The following DHX57 variants were observed in gnomAD, a reference collection of about 807,000 sequenced individuals.
DHX57 encodes DExH-box helicase 57, also known as putative ATP-dependent RNA helicase DHX57.
A neutral mutation model predicts 156.2 loss-of-function variants in DHX57; 105 were observed. That is an observed-to-expected ratio of 0.67 (90% CI 0.57 to 0.79). The LOEUF is 0.79. Among genes scored for constraint, DHX57 ranks in the 30% least tolerant of loss-of-function variants. The pLI is 0.00. For missense variants in DHX57, 1,847 were observed against 1,661.9 expected (o/e 1.11, Z -1.94); for synonymous variants, 704 against 595.6 (o/e 1.18, Z -2.65).
intron 1 of DHX57, among the ~76,000 whole-genome samples, chr2:38,875,564 A>C (rs1183645247): frequency 6.6e-6 from 1 of 151,358 alleles, no homozygotes; most frequent in Non-Finnish European, 1.5e-5. Context: ...GAGCGTGGAC[A>C]ACCTCAGCGG....
At chr2:38,869,918 C>A (rs1404010858) in intron 1 of DHX57, among the ~76,000 whole-genome samples, 1 of 151,850 alleles carries the variant, frequency 6.6e-6, no homozygotes, top group Non-Finnish European at 1.5e-5. Flanking sequence ...AGTATGTTCA[C>A]AGAAATAAAG....
intron 1 of DHX57, among the ~76,000 whole-genome samples, chr2:38,869,661 A>C (rs1012984179): frequency 1.3e-5 from 2 of 152,246 alleles, no homozygotes; most frequent in African/African-American, 4.8e-5. Flanking sequence ...CTTCACTAAA[A>C]TATTCTAGCC....
At chr2:38,834,939 T>C (rs527351490) in intron 13 of DHX57, among the ~76,000 whole-genome samples, 2 of 152,300 alleles carry the variant, frequency 1.3e-5, no homozygotes, top group East Asian at 3.9e-4. Flanking sequence ...CTATAAGGCA[T>C]ACCTGTATGA....
rs780919884 is a variant in DHX57 at position 38,823,139 on chromosome 2, C to G, written c.3145G>C (p.Asp1049His). ...RLRDLGALTP[D>H]ERLTPLGYHL... Reference sequence around the variant, plus strand: ...TACCCAAGAGGGGTCAATCTTTCATCTGGAGTTAATGCTCCTAAGTCTCGT... The same window carrying G: ...TACCCAAGAGGGGTCAATCTTTCATGTGGAGTTAATGCTCCTAAGTCTCGT... The change falls in exon 17 of 24, where the codon GAT (aspartate) becomes CAT (histidine). Residue 1049 changes from aspartate (D) to histidine (H), a missense_variant. By Grantham distance (81) the Asp-to-His change is moderately conservative. Coordinates refer to ENST00000457308, the MANE Select transcript of DHX57 (RefSeq NM_198963.3). 6 of 1,614,186 alleles carry G rather than the reference C, an allele frequency of 3.7e-6. No homozygotes were observed. Among genetic ancestry groups the G allele is most frequent in the Non-Finnish European group, 5.1e-6 (6 of 1,180,048 alleles).
rs193121010 is a variant in DHX57, at chr2:38,844,188, T to C, written c.2220-978A>G. On this transcript the variant is annotated intron_variant, in intron 11 of 23. Transcript: ENST00000457308. ...AATGCCTATTTTGGACAAGGGACTA[T>C]GGTGACGGTGGTGGTATGGTATAGA... Among the ~76,000 whole-genome samples, 29 of 152,314 alleles carry C rather than the reference T, an allele frequency of 1.9e-4. No homozygotes were observed. In the East Asian group the frequency reaches 3.3e-3, roughly 17 times the overall value.
At chr2:38,814,706 G>T (rs1361522377) in intron 20 of DHX57, among the ~76,000 whole-genome samples, 30 of 148,138 alleles carry the variant, frequency 2.0e-4, no homozygotes, top group Non-Finnish European at 1.5e-5. Flanking sequence ...AAAAACAACA[G>T]CAACAATGAG....
chr2:38,845,215 A>C (rs991170753), intron 11 of DHX57, among the ~76,000 whole-genome samples: 3 of 149,820 alleles, frequency 2.0e-5, no homozygotes, highest in South Asian at 2.1e-4. Flanking sequence ...AAAAACAAAC[A>C]AAAAAAAACC....
In DHX57 at chr2:38,871,123, G is replaced by A. The variant is rs977931857; in HGVS notation, c.-6-2712C>T. Among the ~76,000 whole-genome samples, 9 of 152,200 alleles carry A rather than the reference G, an allele frequency of 5.9e-5. No homozygotes were observed. In the South Asian group the frequency reaches 1.9e-3, roughly 32 times the overall value. On this transcript the variant is annotated intron_variant, in intron 1 of 23. Coordinates refer to ENST00000457308, the MANE Select transcript of DHX57 (RefSeq NM_198963.3). ...ACAAAGAGTACTAGTAAAGGTAATT[G>A]AGTAATTATTTTTAAAAATCCACAT...
intron 8 of DHX57, chr2:38,854,633 C>T (rs1399926728): frequency 6.0e-6 from 1 of 165,372 alleles, no homozygotes; most frequent in African/African-American, 2.5e-5. Context: ...GCAATCTCGG[C>T]TCATTGCAAC....
intron 13 of DHX57, among the ~76,000 whole-genome samples, chr2:38,829,339 T>C (rs1432459430): frequency 6.7e-6 from 1 of 149,854 alleles, no homozygotes; most frequent in East Asian, 2.0e-4. Flanking sequence ...TGAAGTGCAA[T>C]GATGTGATCT....
At chr2:38,834,642 G>A (rs926933398) in intron 13 of DHX57, among the ~76,000 whole-genome samples, 11 of 152,028 alleles carry the variant, frequency 7.2e-5, no homozygotes, top group African/African-American at 2.4e-4. Context: ...ATGGCTATAC[G>A]AAGTGCCACT....
chr2:38,826,649 C>G lies in DHX57; in HGVS notation c.2680G>C (p.Glu894Gln), dbSNP rs912179688. ...GGTTTTACAAACACAGCCTGCTGCTCTTCACTGGATAAAGATGAATGAAGT... is the reference window on the plus strand; with the variant it reads ...GGTTTTACAAACACAGCCTGCTGCTGTTCACTGGATAAAGATGAATGAAGT... The part of the protein sequence containing the change: ...HPLHSSLSSE[E>Q]QQAVFVKPPA... The change falls in exon 15 of 24, where the codon GAG becomes CAG. Residue 894 changes from glutamate to glutamine, a missense_variant. By Grantham distance (29) the Glu-to-Gln change is conservative (BLOSUM62 2). Transcript: ENST00000457308. The G allele has an allele frequency of 1.9e-6, 3 of 1,614,026 alleles. No individual in the cohort carries two copies. In the African/African-American group the frequency reaches 4.0e-5, roughly 22 times the overall value.
chr2:38,859,716 C>A (rs1200098811), intron 5 of DHX57, among the ~76,000 whole-genome samples: 1 of 151,978 alleles, frequency 6.6e-6, no homozygotes, highest in Non-Finnish European at 1.5e-5. Context: ...AACAGTGTCA[C>A]TGTTCTCTAC....
intron 1 of DHX57, 92 bp downstream of exon 1, chr2:38,875,695 G>T (rs571898737): frequency 4.7e-6 from 1 of 210,942 alleles, no homozygotes; most frequent in South Asian, 1.9e-4. Context: ...ACCACTCCTG[G>T]AGCAGGAGGC....
chr2:38,839,496 G>A (rs994868625), intron 12 of DHX57, among the ~76,000 whole-genome samples: 41 of 151,150 alleles, frequency 2.7e-4, no homozygotes, highest in Non-Finnish European at 3.2e-4. Flanking sequence ...TGGATCACCT[G>A]AGGTCAAGAG....
intron 13 of DHX57, among the ~76,000 whole-genome samples, chr2:38,829,979 C>T (rs776536482): frequency 2.0e-5 from 3 of 151,992 alleles, no homozygotes; most frequent in African/African-American, 4.8e-5. Context: ...TATATTTCTG[C>T]GTGAAGAGCA....
At chr2:38,836,015 C>A (rs1671636526) in intron 13 of DHX57, among the ~76,000 whole-genome samples, 1 of 152,090 alleles carries the variant, frequency 6.6e-6, no homozygotes, top group South Asian at 2.1e-4. Flanking sequence ...CAGTGCCAGA[C>A]AATGAGGAAG....
At position 38,818,979 on chromosome 2, in the gene DHX57, C is replaced by T. The variant is rs1446131346; in HGVS notation, c.3388-19G>A. Reference sequence around the variant, plus strand: ...GCCATCCCTAAATTTTGGAGAAAATCAAACTGAACTTACTCAGTCTTCAGT... The same window carrying T: ...GCCATCCCTAAATTTTGGAGAAAATTAAACTGAACTTACTCAGTCTTCAGT... On this transcript the variant is annotated intron_variant, in intron 18 of 23. Coordinates refer to ENST00000457308, the MANE Select transcript of DHX57 (RefSeq NM_198963.3). The T allele has an allele frequency of 6.2e-7, 1 of 1,614,102 alleles. No homozygotes were observed. The highest frequency in any genetic ancestry group is 8.5e-7 in the Non-Finnish European group (1 of 1,179,998).
At chr2:38,810,388 G>T in intron 21 of DHX57, 1 of 497,954 alleles carries the variant, frequency 2.0e-6, no homozygotes, top group Non-Finnish European at 4.0e-6. Flanking sequence ...CTGTACTTGG[G>T]GAATCTGCAA....
Sources: allele counts gnomAD v4.1 joint callset (sites outside exome capture counted in the v4.1 genomes callset), GRCh38; gene constraint gnomAD v4.1.1; transcripts MANE v1.5; gene names NCBI Gene and HGNC (gene_info 2026-07-23, HGNC 2026-07-21).